Variants in ADGRA1 observed in about 807,000 individuals in gnomAD.
ADGRA1 encodes G-protein coupled receptor 123.
Under a neutral mutation model 21.3 loss-of-function variants are expected in ADGRA1, and 12 were observed. That is an observed-to-expected ratio of 0.56 (90% CI 0.36 to 0.91). The LOEUF is 0.91. Ranked by LOEUF, ADGRA1 falls within the 40% of genes least tolerant of loss-of-function variation. The probability of loss-of-function intolerance (pLI) is 0.01; values close to 1 mark genes in which losing one functional copy is unlikely to be tolerated. For synonymous variants in ADGRA1, 385 were observed against 368.8 expected (o/e 1.04, Z -0.50); for missense variants, 790 against 805.6 (o/e 0.98, Z 0.23).
chr10:133,126,909 G>A lies in ADGRA1; in HGVS notation c.402-324G>A, dbSNP rs537093441. Among the ~76,000 whole-genome samples, 632 of 152,252 alleles carry A rather than the reference G, an allele frequency of 4.2e-3. 4 individuals are homozygous for A. Among genetic ancestry groups the A allele is most frequent in the African/African-American group, 0.015 (604 of 41,546 alleles). Reference sequence around the variant, plus strand: ...TCCCTGTGTGACCCCACGCTGCCCCGGGGAGCAGTCCCGCCTGTAGCCAGG... The same window carrying A: ...TCCCTGTGTGACCCCACGCTGCCCCAGGGAGCAGTCCCGCCTGTAGCCAGG... On this transcript the variant is annotated intron_variant, in intron 5 of 6. Transcript: ENST00000392607.
intron 5 of ADGRA1, among the ~76,000 whole-genome samples, chr10:133,126,324 G>A (rs552892907): frequency 2.6e-5 from 4 of 152,276 alleles, no homozygotes; most frequent in Admixed American, 6.5e-5. Flanking sequence ...ATAGAGTCTG[G>A]GAAGCACAGG....
intron 5 of ADGRA1, among the ~76,000 whole-genome samples, chr10:133,110,153 T>C (rs59352647): frequency 0.11 from 16,900 of 152,312 alleles, 1,200 homozygotes; most frequent in Non-Finnish European, 0.14. Context: ...AAAGTTCTCC[T>C]GTCCTGGGAG....
intron 2 of ADGRA1, chr10:133,093,177 G>T (rs113313335): frequency 3.1e-6 from 5 of 1,594,868 alleles, no homozygotes; most frequent in Middle Eastern, 1.6e-4. Context: ...CACCTCACCC[G>T]CAGGGAGGAA....
chr10:133,128,554 C>A lies in ADGRA1; in HGVS notation c.726C>A (p.Gly242=), dbSNP rs755111182. The A allele has an allele frequency of 1.3e-6, 2 of 1,555,698 alleles. No homozygotes were observed. Among genetic ancestry groups the A allele is most frequent in the Non-Finnish European group, 8.7e-7 (1 of 1,152,106 alleles). Reference sequence around the variant, plus strand: ...CCCCACCCGCACACGATGCCCCCGGCGCCTCCGTGCTGCAGAACGAGCACT... The same window carrying A: ...CCCCACCCGCACACGATGCCCCCGGAGCCTCCGTGCTGCAGAACGAGCACT... ...PGTPPAHDAP[G]ASVLQNEHSF... is the part of the protein sequence containing the mutation. The change falls in exon 7 of 7, where the codon GGC becomes GGA. Residue 242 remains glycine, a synonymous_variant. Coordinates refer to ENST00000392607, the MANE Select transcript of ADGRA1 (RefSeq NM_001083909.3).
chr10:133,103,254 C>T (rs764330398), intron 5 of ADGRA1, among the ~76,000 whole-genome samples: 2 of 152,184 alleles, frequency 1.3e-5, no homozygotes, highest in Non-Finnish European at 2.9e-5. Context: ...CCCTCTATGC[C>T]CCGCAGGGCA....
At chr10:133,114,659 A>G (rs201292011) in intron 5 of ADGRA1, among the ~76,000 whole-genome samples, 32,620 of 152,070 alleles carry the variant, frequency 0.21, 4,055 homozygotes, top group East Asian at 0.57. Context: ...AAATGGACAT[A>G]AATAGCTCTT....
At chr10:133,116,496 G>A (rs927947390) in intron 5 of ADGRA1, among the ~76,000 whole-genome samples, 3 of 150,918 alleles carry the variant, frequency 2.0e-5, no homozygotes, top group Admixed American at 6.6e-5. Flanking sequence ...TCTGGGGGGC[G>A]TCCCTGGGCC....
chr10:133,125,185 G>C (rs1169994664), intron 5 of ADGRA1, among the ~76,000 whole-genome samples: 3 of 152,194 alleles, frequency 2.0e-5, no homozygotes, highest in East Asian at 1.9e-4. Context: ...TTCTATTCTA[G>C]TCACCATGTT....
chr10:133,125,186 T>C (rs1393301151), intron 5 of ADGRA1, among the ~76,000 whole-genome samples: 3 of 152,248 alleles, frequency 2.0e-5, no homozygotes, highest in Non-Finnish European at 4.4e-5. Context: ...TCTATTCTAG[T>C]CACCATGTTC....
intron 5 of ADGRA1, among the ~76,000 whole-genome samples, chr10:133,110,925 C>G (rs1346492920): frequency 1.3e-5 from 2 of 152,152 alleles, no homozygotes; most frequent in Non-Finnish European, 2.9e-5. Flanking sequence ...TTCAGTGATC[C>G]CAGGTCCCCA....
At chr10:133,103,047 G>A (rs1216322288) in intron 5 of ADGRA1, among the ~76,000 whole-genome samples, 3 of 151,936 alleles carry the variant, frequency 2.0e-5, no homozygotes, top group South Asian at 2.1e-4. Flanking sequence ...GAGGGGCGCC[G>A]GAGGGGAGGG....
chr10:133,120,470 C>G (rs866898031), intron 5 of ADGRA1, among the ~76,000 whole-genome samples: 2 of 152,246 alleles, frequency 1.3e-5, no homozygotes, highest in South Asian at 4.1e-4. Flanking sequence ...GCCAGATCTT[C>G]TGGAGAACTT....
chr10:133,088,215 G>C (rs917387558), intron 1 of ADGRA1, 77 bp downstream of exon 1: 6 of 659,974 alleles, frequency 9.1e-6, no homozygotes, highest in Non-Finnish European at 1.1e-5. Flanking sequence ...CGCGCCCCGA[G>C]GTGACACTGG....
rs748157832 is a variant in ADGRA1, at chr10:133,097,049, G to A, written c.79G>A (p.Val27Ile). 31 of 1,610,922 alleles carry A rather than the reference G, an allele frequency of 1.9e-5. No individual in the cohort carries two copies. Among genetic ancestry groups the A allele is most frequent in the African/African-American group, 4.0e-5 (3 of 74,934 alleles). Reference protein sequence around the residue: ...LHPVVYACTAVMLLCLLASFV... With the variant: ...LHPVVYACTAIMLLCLLASFV... ...CCCCGTGGTGTACGCGTGCACGGCCGTCATGCTGCTCTGCCTCCTGGCCTC... is the reference window on the plus strand; with the variant it reads ...CCCCGTGGTGTACGCGTGCACGGCCATCATGCTGCTCTGCCTCCTGGCCTC... Residue 27 changes from valine (V) to isoleucine (I), a missense_variant, in exon 3 of 7, where the codon GTC (valine) becomes ATC (isoleucine). Val to Ile is a conservative substitution (Grantham distance 29, BLOSUM62 3). This residue lies in a region of ADGRA1 where 382 missense variants were observed against 415.6 expected (regional missense o/e 0.92). Coordinates refer to ENST00000392607, the MANE Select transcript of ADGRA1 (RefSeq NM_001083909.3).
intron 4 of ADGRA1, among the ~76,000 whole-genome samples, chr10:133,101,882 C>A (rs575109965): frequency 7.9e-5 from 12 of 152,330 alleles, no homozygotes; most frequent in African/African-American, 2.9e-4. Context: ...TCCAGCCCAC[C>A]CCACAATATT....
In ADGRA1 at chr10:133,127,311, A is replaced by G. The variant is rs1325726705; in HGVS notation, c.480A>G (p.Thr160=). 17 of 1,600,064 alleles carry G rather than the reference A, an allele frequency of 1.1e-5. No homozygotes were observed. Among genetic ancestry groups the G allele is most frequent in the Non-Finnish European group, 1.4e-5 (17 of 1,174,288 alleles). Residue 160 remains threonine, a synonymous_variant, in exon 6 of 7, where the codon ACA becomes ACG. Coordinates refer to ENST00000392607, the MANE Select transcript of ADGRA1 (RefSeq NM_001083909.3). The part of the protein sequence containing the change: ...TAATNIRNYG[T]EDEDTAYCWM... ...CCACGAACATCAGGAATTACGGGACAGAGGACGAGGACACGGCGTAGTGAG... is the reference window on the plus strand; with the variant it reads ...CCACGAACATCAGGAATTACGGGACGGAGGACGAGGACACGGCGTAGTGAG...
At position 133,103,073 on chromosome 10, in the gene ADGRA1, G is replaced by C. The variant is rs189912512; in HGVS notation, c.401+231G>C. ...GAGGGGAGGGGCGCCGGTCACTGGG[G>C]GTGGGGCAGAGGGGGCCCTGAGGGT... On this transcript the variant is annotated intron_variant, in intron 5 of 6. Coordinates refer to ENST00000392607, the MANE Select transcript of ADGRA1 (RefSeq NM_001083909.3). 4.4e-3 allele frequency among the ~76,000 whole-genome samples: 676 copies of C among 152,154 alleles called. 3 individuals are homozygous for C. The highest frequency in any genetic ancestry group is 0.017 in the Middle Eastern group (5 of 294).
At chr10:133,127,871 A>G (rs1042820156) in intron 6 of ADGRA1, among the ~76,000 whole-genome samples, 7 of 79,782 alleles carry the variant, frequency 8.8e-5, no homozygotes, top group Admixed American at 1.3e-4. Flanking sequence ...ACCCAGCTCC[A>G]CCTCCGCCTG....
In ADGRA1 at chr10:133,128,989, G is replaced by A; in HGVS notation, c.1161G>A (p.Met387Ile). The A allele has an allele frequency of 6.4e-7, 1 of 1,565,344 alleles. No homozygotes were observed. The highest frequency in any genetic ancestry group is 8.7e-7 in the Non-Finnish European group (1 of 1,156,044). The change falls in exon 7 of 7, where the codon ATG (methionine) becomes ATA (isoleucine). Residue 387 changes from methionine (M) to isoleucine (I), a missense_variant. Physicochemically the swap from Met to Ile is conservative, Grantham distance 10 (BLOSUM62 1). This residue lies in a region of ADGRA1 where 391 missense variants were observed against 351.5 expected (regional missense o/e 1.11). Coordinates refer to ENST00000392607, the MANE Select transcript of ADGRA1 (RefSeq NM_001083909.3). ...LSPATPCCAKMHCEPLTADEA... is the reference protein window; with the variant it reads ...LSPATPCCAKIHCEPLTADEA... ...CGGCCACCCCGTGCTGCGCCAAGAT[G>A]CACTGCGAGCCACTGACGGCGGACG...
Sources: allele counts gnomAD v4.1 joint callset (sites outside exome capture counted in the v4.1 genomes callset), GRCh38; gene constraint gnomAD v4.1.1; regional missense constraint gnomAD v4.1.1; transcripts MANE v1.5; gene names NCBI Gene and HGNC (gene_info 2026-07-23, HGNC 2026-07-21).